The following CTNNA3 variants were observed in gnomAD, a reference collection of about 807,000 sequenced individuals.
CTNNA3 encodes catenin alpha-3.
CTNNA3 carries 76 observed loss-of-function variants against 95.7 expected under a neutral mutation model. The observed-to-expected ratio is 0.79, with a 90% CI of 0.66 to 0.96. The LOEUF (loss-of-function observed/expected upper bound fraction) is 0.96, where lower values mean the gene tolerates loss of function less well. CTNNA3 is among the 40% of genes least tolerant of loss of function. The pLI is 0.00. For synonymous variants in CTNNA3, 431 were observed against 374.4 expected, an observed-to-expected ratio of 1.15 and a Z score of -1.74; for missense variants, 1,191 against 1,089.8, an observed-to-expected ratio of 1.09 and a Z score of -1.31.
intron 3 of CTNNA3, among the ~76,000 whole-genome samples, chr10:67,603,793 A>C (rs1373543615): frequency 6.6e-6 from 1 of 152,142 alleles, no homozygotes; most frequent in East Asian, 1.9e-4. Flanking sequence ...CTTATTATTG[A>C]AGAAGGAAAA....
chr10:66,448,542 C>A (rs1479792790), intron 11 of CTNNA3, among the ~76,000 whole-genome samples: 1 of 152,068 alleles, frequency 6.6e-6, no homozygotes, highest in Non-Finnish European at 1.5e-5. Context: ...ATGGATGAAA[C>A]TGGAAACCAT....
At chr10:67,634,373 C>A (rs1452990304) in intron 2 of CTNNA3, among the ~76,000 whole-genome samples, 1 of 152,178 alleles carries the variant, frequency 6.6e-6, no homozygotes, top group Non-Finnish European at 1.5e-5. Flanking sequence ...CACTAAAAAA[C>A]ACACTGAAGT....
At chr10:67,644,210 T>C (rs1451796602) in intron 2 of CTNNA3, among the ~76,000 whole-genome samples, 4 of 152,194 alleles carry the variant, frequency 2.6e-5, no homozygotes, top group Admixed American at 1.3e-4. Flanking sequence ...TTCCTGACTT[T>C]TTAATGATCA....
chr10:67,457,371 G>C (rs141199546), intron 5 of CTNNA3, among the ~76,000 whole-genome samples: 24 of 152,328 alleles, frequency 1.6e-4, no homozygotes, highest in African/African-American at 5.1e-4. Context: ...CCAAGTAACA[G>C]TGGAAGGCCA....
At chr10:66,228,426 CCATT>C (rs1413928599) in intron 13 of CTNNA3, among the ~76,000 whole-genome samples, 3 of 151,904 alleles carry the variant, frequency 2.0e-5, no homozygotes, top group Admixed American at 2.0e-4. Flanking sequence ...AACTAATTGA[CCATT>C]CAGGGGCACG....
chr10:67,285,127 T>C (rs1839547261), intron 5 of CTNNA3, among the ~76,000 whole-genome samples: 1 of 152,236 alleles, frequency 6.6e-6, no homozygotes, highest in African/African-American at 2.4e-5. Context: ...AAACTTCTGT[T>C]TGCTGTTCTC....
At chr10:66,389,291 GTTA>G (rs2092917577) in intron 11 of CTNNA3, among the ~76,000 whole-genome samples, 2 of 152,042 alleles carry the variant, frequency 1.3e-5, no homozygotes, top group African/African-American at 4.8e-5. Context: ...AAGAGAATAT[GTTA>G]TTATAGAACA....
At chr10:67,516,385 C>T (rs1350893788) in intron 5 of CTNNA3, among the ~76,000 whole-genome samples, 1 of 152,160 alleles carries the variant, frequency 6.6e-6, no homozygotes, top group Non-Finnish European at 1.5e-5. Context: ...ACTTTTTCTT[C>T]TCTATATGCT....
intron 11 of CTNNA3, among the ~76,000 whole-genome samples, chr10:66,461,814 A>T (rs560463829): frequency 7.1e-6 from 1 of 140,162 alleles, no homozygotes; most frequent in African/African-American, 2.7e-5. Flanking sequence ...TATATCTCCA[A>T]TTTTTTTTTT....
chr10:66,572,423 T>C (rs1031124153), intron 10 of CTNNA3, among the ~76,000 whole-genome samples: 14 of 151,212 alleles, frequency 9.3e-5, no homozygotes, highest in Admixed American at 3.3e-4. Context: ...AGCAAACATA[T>C]ACACACAAAC....
intron 7 of CTNNA3, among the ~76,000 whole-genome samples, chr10:66,952,151 A>G (rs2132725410): frequency 6.6e-6 from 1 of 152,278 alleles, no homozygotes; most frequent in South Asian, 2.1e-4. Context: ...CACGTCAACC[A>G]CCACTGGAGG....
chr10:66,305,716 C>T (rs1251249545), intron 12 of CTNNA3, among the ~76,000 whole-genome samples: 1 of 152,092 alleles, frequency 6.6e-6, no homozygotes, highest in Non-Finnish European at 1.5e-5. Flanking sequence ...GGTTATAGAG[C>T]AATTATCAAT....
chr10:66,872,025 A>G (rs17231483), intron 7 of CTNNA3, among the ~76,000 whole-genome samples: 43,042 of 152,090 alleles, frequency 0.28, 7,008 homozygotes, highest in Non-Finnish European at 0.38. Flanking sequence ...AAACACTATC[A>G]GCCAAATTCA....
At chr10:66,698,499 A>G (rs771228373) in intron 9 of CTNNA3, among the ~76,000 whole-genome samples, 1 of 152,194 alleles carries the variant, frequency 6.6e-6, no homozygotes, top group Non-Finnish European at 1.5e-5. Flanking sequence ...AAAAAATGTT[A>G]AGTGGTATTT....
intron 15 of CTNNA3, among the ~76,000 whole-genome samples, chr10:66,015,069 C>T (rs2079068075): frequency 6.6e-6 from 1 of 151,834 alleles, no homozygotes; most frequent in African/African-American, 2.4e-5. Flanking sequence ...CACCACTGCA[C>T]TTCAGCATGG....
At chr10:66,161,780 C>T (rs1046256604) in intron 13 of CTNNA3, among the ~76,000 whole-genome samples, 1 of 152,120 alleles carries the variant, frequency 6.6e-6, no homozygotes, top group Admixed American at 6.6e-5. Context: ...CTCAATTATT[C>T]CCCCAAATAT....
Position 67,203,866 on chromosome 10 carries a change from A to G in CTNNA3, c.843+15741T>C, listed in dbSNP as rs189636771. On this transcript the variant is annotated intron_variant, in intron 6 of 17. Coordinates refer to ENST00000433211, the MANE Select transcript of CTNNA3 (RefSeq NM_013266.4). Reference sequence around the variant, plus strand: ...CAGATTATCTTCTCACCTGTTGCAGATACTGTAATACGGTATTAATGAGCT... The same window carrying G: ...CAGATTATCTTCTCACCTGTTGCAGGTACTGTAATACGGTATTAATGAGCT... 5.9e-5 allele frequency among the ~76,000 whole-genome samples: 9 copies of G among 152,262 alleles called. No homozygotes were observed. The East Asian group carries it at 1.5e-3, about 26-fold the overall frequency.
rs73270159 is a variant in CTNNA3 at position 67,647,197 on chromosome 10, A to G, written c.99+218T>C. ...ATATATTATTACTGCTATTCTTGCT[A>G]AAAGAGAATGTGGGGGAAACTTTCA... On this transcript the variant is annotated intron_variant, in intron 2 of 17. Coordinates refer to ENST00000433211, the MANE Select transcript of CTNNA3 (RefSeq NM_013266.4). Among the ~76,000 whole-genome samples, 19,928 of 147,330 alleles carry G rather than the reference A, an allele frequency of 0.14. 2,417 individuals carry two copies. The highest frequency in any genetic ancestry group is 0.32 in the African/African-American group (13,089 of 40,588).
intron 13 of CTNNA3, among the ~76,000 whole-genome samples, chr10:66,172,612 A>T (rs1477209839): frequency 1.3e-5 from 2 of 151,966 alleles, no homozygotes; most frequent in Non-Finnish European, 2.9e-5. Context: ...TTTTTCATTC[A>T]TTGCATCTAT....
Sources: allele counts gnomAD v4.1 joint callset (sites outside exome capture counted in the v4.1 genomes callset), GRCh38; gene constraint gnomAD v4.1.1; transcripts MANE v1.5; gene names NCBI Gene and HGNC (gene_info 2026-07-23, HGNC 2026-07-21).